GABRG1: variants seen among roughly 807,000 people sequenced by gnomAD.
GABRG1 encodes gamma-aminobutyric acid receptor subunit gamma-1.
Under a neutral mutation model 49.8 loss-of-function variants are expected in GABRG1, and 49 were observed. The ratio of observed to expected loss-of-function variants is 0.98; its 90% CI spans 0.78 to 1.25. The LOEUF (loss-of-function observed/expected upper bound fraction) is 1.25. Among genes scored for constraint, GABRG1 ranks in the 50% most tolerant of loss-of-function variants. The probability of loss-of-function intolerance (pLI) is 0.00; values close to 1 mark genes in which losing one functional copy is unlikely to be tolerated. For synonymous variants in GABRG1, 232 were observed against 185.1 expected, an observed-to-expected ratio of 1.25 and a Z score of -2.06; for missense variants, 552 against 552.3, an observed-to-expected ratio of 1.00 and a Z score of 0.01.
At position 46,049,730 on chromosome 4, in the gene GABRG1, A is replaced by C. The variant is rs1577631153; in HGVS notation, c.1131+1694T>G. 2.0e-5 allele frequency among the ~76,000 whole-genome samples: 3 copies of C among 151,942 alleles called. No individual in the cohort carries two copies. In the Admixed American group the frequency reaches 2.0e-4, roughly 10 times the overall value. On this transcript the variant is annotated intron_variant, in intron 8 of 8. Coordinates refer to ENST00000295452, the MANE Select transcript of GABRG1 (RefSeq NM_173536.4). ...TGATGAATGATTGAATAACATGATA[A>C]GTTTAAAGTCTACACTAGAGTAATC...
chr4:46,047,764 C>T (rs1370919211), intron 8 of GABRG1, among the ~76,000 whole-genome samples: 1 of 151,660 alleles, frequency 6.6e-6, no homozygotes, highest in Non-Finnish European at 1.5e-5. Flanking sequence ...TTGTTAATTC[C>T]CTCACAGACT....
chr4:46,089,595 T>C (rs755032099), intron 2 of GABRG1, among the ~76,000 whole-genome samples: 4 of 152,110 alleles, frequency 2.6e-5, no homozygotes, highest in Non-Finnish European at 4.4e-5. Context: ...ATTAAATTTT[T>C]ATATTAGGTT....
chr4:46,060,236 C>A (rs754597719), intron 5 of GABRG1, among the ~76,000 whole-genome samples: 7 of 148,100 alleles, frequency 4.7e-5, no homozygotes, highest in South Asian at 2.2e-4. Flanking sequence ...GGCAACCTCC[C>A]TTTTAGCTTT....
chr4:46,123,889 A>G lies in GABRG1; in HGVS notation c.25T>C (p.Phe9Leu), dbSNP rs1246865393. The change falls in exon 1 of 9, where the codon TTC becomes CTC. Residue 9 changes from phenylalanine to leucine, a missense_variant. Transcript: ENST00000295452. MGPLKAFL[F>L]SPFLLRSQSR... ...TGACTCCGCAGAAGAAAAGGGGAGAAGAGAAAAGCTTTCAAAGGACCCATC... is the reference window on the plus strand; with the variant it reads ...TGACTCCGCAGAAGAAAAGGGGAGAGGAGAAAAGCTTTCAAAGGACCCATC... 2 of 1,613,678 alleles carry G rather than the reference A, an allele frequency of 1.2e-6. No homozygotes were observed. The highest frequency in any genetic ancestry group is 1.7e-5 in the Admixed American group (1 of 59,968).
At chr4:46,043,893 A>G in intron 8 of GABRG1, among the ~76,000 whole-genome samples, 1 of 151,934 alleles carries the variant, frequency 6.6e-6, no homozygotes, top group African/African-American at 2.4e-5. Flanking sequence ...ACTAATATCA[A>G]ATAAATGGGA....
At chr4:46,080,783 T>C (rs1360491235) in intron 3 of GABRG1, among the ~76,000 whole-genome samples, 5 of 151,954 alleles carry the variant, frequency 3.3e-5, no homozygotes, top group African/African-American at 1.2e-4. Context: ...AAATATACAA[T>C]TCATGAAAAT....
At chr4:46,082,044 G>T (rs1334059875) in intron 3 of GABRG1, among the ~76,000 whole-genome samples, 1 of 151,800 alleles carries the variant, frequency 6.6e-6, no homozygotes, top group Non-Finnish European at 1.5e-5. Context: ...AGGCAAAAGC[G>T]AAGGAGAGGA....
intron 1 of GABRG1, among the ~76,000 whole-genome samples, chr4:46,099,905 C>T (rs1431819834): frequency 6.6e-6 from 1 of 151,598 alleles, no homozygotes; most frequent in Non-Finnish European, 1.5e-5. Flanking sequence ...AGAACTGGGG[C>T]TCTGATACCC....
At chr4:46,121,587 T>A (rs1417191780) in intron 1 of GABRG1, among the ~76,000 whole-genome samples, 4 of 139,200 alleles carry the variant, frequency 2.9e-5, no homozygotes, top group Non-Finnish European at 6.0e-5. Flanking sequence ...AAAGTGTTTC[T>A]GTGTCAAACT....
At chr4:46,066,333 T>C (rs1258343666) in intron 3 of GABRG1, among the ~76,000 whole-genome samples, 3 of 152,192 alleles carry the variant, frequency 2.0e-5, no homozygotes, top group African/African-American at 7.2e-5. Context: ...ATATCTACTG[T>C]TTTTAAATGT....
chr4:46,058,522 C>A lies in GABRG1; in HGVS notation c.726G>T (p.Gly242=), dbSNP rs373443309. The A allele has an allele frequency of 7.4e-6, 12 of 1,613,202 alleles. No homozygotes were observed. Among genetic ancestry groups the A allele is most frequent in the Non-Finnish European group, 1.0e-5 (12 of 1,179,610 alleles). ...GAGTGATTTCAGTTGAGTTCCGTAA[C>A]CCTACAAATGCAAACTGATATAATC... ...YWRLYQFAFV[G]LRNSTEITHT... The change falls in exon 6 of 9, where the codon GGG becomes GGT. Residue 242 remains glycine, a synonymous_variant. Coordinates refer to ENST00000295452, the MANE Select transcript of GABRG1 (RefSeq NM_173536.4).
intron 7 of GABRG1, 60 bp from the exon 8 acceptor site, chr4:46,051,698 T>A: frequency 1.9e-6 from 2 of 1,066,648 alleles, no homozygotes; most frequent in Non-Finnish European, 2.8e-6. Flanking sequence ...TATTCTTCCA[T>A]CTGATTTGGC....
chr4:46,090,724 G>A (rs1719947710), intron 2 of GABRG1, among the ~76,000 whole-genome samples: 1 of 151,910 alleles, frequency 6.6e-6, no homozygotes, highest in African/African-American at 2.4e-5. Flanking sequence ...GCCAGAATTT[G>A]ATGTAACAAT....
At chr4:46,064,006 A>G (rs1448212089) in intron 5 of GABRG1, among the ~76,000 whole-genome samples, 1 of 152,112 alleles carries the variant, frequency 6.6e-6, no homozygotes, top group Non-Finnish European at 1.5e-5. Flanking sequence ...AATATTTGCT[A>G]TTCGTATGGT....
At chr4:46,048,429 C>G (rs1718085871) in intron 8 of GABRG1, among the ~76,000 whole-genome samples, 1 of 117,378 alleles carries the variant, frequency 8.5e-6, no homozygotes, top group African/African-American at 3.5e-5. Context: ...GAAGGTTCTT[C>G]CAAGGTAGAA....
chr4:46,056,905 A>T (rs934001917), intron 7 of GABRG1, among the ~76,000 whole-genome samples: 2 of 152,080 alleles, frequency 1.3e-5, no homozygotes, highest in African/African-American at 2.4e-5. Context: ...AAATAAGTTT[A>T]TGCAAAAACG....
At chr4:46,110,938 C>CAGGACA (rs1184998417) in intron 1 of GABRG1, among the ~76,000 whole-genome samples, 1 of 151,148 alleles carries the variant, frequency 6.6e-6, no homozygotes, top group African/African-American at 2.4e-5. Flanking sequence ...ATAACTGAAA[C>CAGGACA]AGGACAAGGA....
chr4:46,115,073 T>G (rs891316000), intron 1 of GABRG1, among the ~76,000 whole-genome samples: 1 of 150,830 alleles, frequency 6.6e-6, no homozygotes, highest in African/African-American at 2.4e-5. Context: ...ATCTCACCTT[T>G]TGTGTGTAAC....
intron 2 of GABRG1, among the ~76,000 whole-genome samples, chr4:46,096,281 T>A (rs1337702548): frequency 6.6e-6 from 1 of 151,292 alleles, no homozygotes; most frequent in African/African-American, 2.4e-5. Flanking sequence ...GTATGGACAG[T>A]ATGTGGGAGT....
Sources: allele counts gnomAD v4.1 joint callset (sites outside exome capture counted in the v4.1 genomes callset), GRCh38; gene constraint gnomAD v4.1.1; transcripts MANE v1.5; gene names NCBI Gene and HGNC (gene_info 2026-07-23, HGNC 2026-07-21).